Variants in TENM2 observed in about 807,000 individuals in gnomAD.
The protein encoded by TENM2 is teneurin-2.
In TENM2, 52 loss-of-function variants were observed where a neutral mutation model predicts 245.2. The ratio of observed to expected loss-of-function variants is 0.21; its 90% CI spans 0.17 to 0.27. TENM2 has a LOEUF of 0.27. Among genes scored for constraint, TENM2 ranks in the 10% least tolerant of loss-of-function variants. The pLI is 1.00. For missense variants in TENM2, 3,046 were observed against 3,666.8 expected (o/e 0.83, Z 4.37); for synonymous variants, 1,363 against 1,438.9 (o/e 0.95, Z 1.19).
intron 2 of TENM2, among the ~76,000 whole-genome samples, chr5:167,817,638 A>G (rs1369540234): frequency 6.6e-6 from 1 of 152,168 alleles, no homozygotes; most frequent in Non-Finnish European, 1.5e-5. Context: ...TAAAGCAATC[A>G]CTATCTGAAA....
intron 1 of TENM2, among the ~76,000 whole-genome samples, chr5:167,320,796 A>G (rs1358316661): frequency 6.6e-6 from 1 of 152,244 alleles, no homozygotes; most frequent in Non-Finnish European, 1.5e-5. Context: ...ATTTCTGCTC[A>G]TTATAAATTA....
chr5:167,077,780 T>C, the TENM2 span, among the ~76,000 whole-genome samples: 1 of 152,168 alleles, frequency 6.6e-6, no homozygotes, highest in African/African-American at 2.4e-5. Flanking sequence ...GAAAAGTAAT[T>C]ATAAAACATT....
the TENM2 span, among the ~76,000 whole-genome samples, chr5:167,032,547 G>A: frequency 6.6e-6 from 1 of 152,172 alleles, no homozygotes; most frequent in South Asian, 2.1e-4. Context: ...CTTGAACACA[G>A]CTATGAATAT....
chr5:167,757,712 T>A (rs6869161), intron 2 of TENM2, among the ~76,000 whole-genome samples: 17,951 of 152,128 alleles, frequency 0.12, 1,585 homozygotes, highest in African/African-American at 0.25. Context: ...CCACCAACAG[T>A]GTAAAAGCGT....
the TENM2 span, among the ~76,000 whole-genome samples, chr5:167,067,860 G>A: frequency 2.6e-5 from 4 of 152,134 alleles, no homozygotes; most frequent in African/African-American, 9.7e-5. Flanking sequence ...GATCCAACTT[G>A]GCTAGCTTGA....
chr5:167,250,404 A>T, the TENM2 span, among the ~76,000 whole-genome samples: 2 of 152,200 alleles, frequency 1.3e-5, no homozygotes, highest in African/African-American at 4.8e-5. Context: ...AATATTGAGT[A>T]CATGTTGAAA....
chr5:167,295,808 T>C (rs190353609), intron 1 of TENM2, among the ~76,000 whole-genome samples: 1 of 152,244 alleles, frequency 6.6e-6, no homozygotes, highest in East Asian at 1.9e-4. Flanking sequence ...CCAAACTCTC[T>C]CACACCACCA....
chr5:167,572,619 A>G (rs1473298453), intron 2 of TENM2, among the ~76,000 whole-genome samples: 1 of 152,210 alleles, frequency 6.6e-6, no homozygotes, highest in Admixed American at 6.5e-5. Context: ...AGCAATTTAC[A>G]TTCTTATAAA....
intron 2 of TENM2, among the ~76,000 whole-genome samples, chr5:167,833,927 C>T (rs980851178): frequency 6.6e-6 from 1 of 152,182 alleles, no homozygotes; most frequent in African/African-American, 2.4e-5. Context: ...GAAGCCCATA[C>T]CTGAACTGTT....
At chr5:167,750,597 T>C (rs550986782) in intron 2 of TENM2, among the ~76,000 whole-genome samples, 81 of 152,230 alleles carry the variant, frequency 5.3e-4, no homozygotes, top group African/African-American at 1.8e-3. Flanking sequence ...GAACACACGA[T>C]AGTGGTACAC....
the TENM2 span, among the ~76,000 whole-genome samples, chr5:167,072,444 A>G: frequency 6.6e-6 from 1 of 152,144 alleles, no homozygotes; most frequent in Non-Finnish European, 1.5e-5. Flanking sequence ...TGCTTTGTAC[A>G]AAGTCATCAG....
the TENM2 span, among the ~76,000 whole-genome samples, chr5:167,099,475 C>T: frequency 2.6e-5 from 4 of 152,220 alleles, no homozygotes; most frequent in East Asian, 1.9e-4. Flanking sequence ...GCGGGCGGAT[C>T]GCCTGAGGTT....
At chr5:168,209,978 G>A (rs930510011) in intron 19 of TENM2, among the ~76,000 whole-genome samples, 3 of 152,166 alleles carry the variant, frequency 2.0e-5, no homozygotes, top group Admixed American at 6.5e-5. Context: ...ACCCTGCAGT[G>A]TGAAGAAGAG....
intron 3 of TENM2, among the ~76,000 whole-genome samples, chr5:167,887,631 T>C (rs1774394362): frequency 6.6e-6 from 1 of 152,230 alleles, no homozygotes; most frequent in African/African-American, 2.4e-5. Context: ...CTTTCTTCAT[T>C]TGTTTAGTAG....
the TENM2 span, among the ~76,000 whole-genome samples, chr5:166,994,507 G>A: frequency 6.6e-6 from 1 of 152,130 alleles, no homozygotes; most frequent in East Asian, 1.9e-4. Context: ...ATGCATTTGA[G>A]TGCCTGACAG....
intron 2 of TENM2, among the ~76,000 whole-genome samples, chr5:167,444,376 T>C (rs772129887): frequency 2.0e-5 from 3 of 151,698 alleles, no homozygotes; most frequent in Non-Finnish European, 2.9e-5. Context: ...ATGTAACAAA[T>C]GAACAAGCTG....
chr5:167,189,639 A>T, the TENM2 span, among the ~76,000 whole-genome samples: 1 of 151,556 alleles, frequency 6.6e-6, no homozygotes, highest in African/African-American at 2.4e-5. Flanking sequence ...CATGATCATA[A>T]TTCACTGTAA....
chr5:167,059,642 A>G, the TENM2 span, among the ~76,000 whole-genome samples: 122 of 152,158 alleles, frequency 8.0e-4, no homozygotes, highest in East Asian at 9.9e-3. Context: ...ACTAACAGCT[A>G]CTGATTCCTA....
intron 5 of TENM2, among the ~76,000 whole-genome samples, chr5:167,996,793 C>T (rs1414378542): frequency 6.6e-6 from 1 of 152,144 alleles, no homozygotes; most frequent in Admixed American, 6.5e-5. Context: ...GGCTGGAGTG[C>T]AGTAGCATGA....
Sources: gnomAD v4.1 joint callset for allele counts (sites outside exome capture counted in the v4.1 genomes callset) on GRCh38, gnomAD v4.1.1 for gene constraint, MANE v1.5 for transcripts, NCBI Gene and HGNC (gene_info 2026-07-23, HGNC 2026-07-21) for gene names.